The following GLYATL1 variants were observed in gnomAD, a reference collection of about 807,000 sequenced individuals.
GLYATL1 encodes the protein glycine-N-acyltransferase like 1, also known as glycine N-acyltransferase-like protein 1.
GLYATL1 carries 15 observed loss-of-function variants against 20.0 expected under a neutral mutation model. That is an observed-to-expected ratio of 0.75 (90% CI 0.50 to 1.15). GLYATL1 has a LOEUF of 1.15. GLYATL1 is among the 50% of genes most tolerant of loss of function. GLYATL1 has a pLI of 0.00. For missense variants in GLYATL1, 380 were observed against 368.5 expected (o/e 1.03, Z -0.26); for synonymous variants, 151 against 131.5 (o/e 1.15, Z -1.01).
At chr11:58,912,298 A>G (rs1035843944), downstream of GLYATL1, among the ~76,000 whole-genome samples, 1 of 152,222 alleles carries the variant, frequency 6.6e-6, no homozygotes, top group Non-Finnish European at 1.5e-5. Flanking sequence ...ACAAGGCATG[A>G]GTGACAAAGA....
At chr11:58,908,475 C>A in exon 2 of GLYATL1, 1 of 202,680 alleles carries the variant, frequency 4.9e-6, no homozygotes, top group South Asian at 1.0e-4. Flanking sequence ...TCATGAATTC[C>A]ATGAAGACTG....
At chr11:58,954,635 G>T in intron 4 of GLYATL1, 135 bp from the exon 5 acceptor site, 1 of 694,628 alleles carries the variant, frequency 1.4e-6, no homozygotes. Context: ...TTTTATTATC[G>T]ATGTGCCCAA....
chr11:58,939,999 G>A (rs1434510459), intron 1 of GLYATL1, among the ~76,000 whole-genome samples: 1 of 152,216 alleles, frequency 6.6e-6, no homozygotes, highest in African/African-American at 2.4e-5. Flanking sequence ...GCAACAGTTG[G>A]ATTGTTTTAG....
At chr11:58,955,008 TG>T in intron 5 of GLYATL1, 112 bp downstream of exon 5, 2 of 1,312,168 alleles carry the variant, frequency 1.5e-6, no homozygotes, top group Non-Finnish European at 2.1e-6. Flanking sequence ...ACAGAAACTC[TG>T]GGGACTGGGA....
intron 1 of GLYATL1, among the ~76,000 whole-genome samples, chr11:58,906,646 G>A (rs1035349281): frequency 6.6e-6 from 1 of 152,162 alleles, no homozygotes; most frequent in Admixed American, 6.5e-5. Context: ...TCTCCCCGGG[G>A]CAGAGATTTA....
At chr11:58,937,822 G>A (rs1338784178), upstream of GLYATL1, among the ~76,000 whole-genome samples, 3 of 152,122 alleles carry the variant, frequency 2.0e-5, no homozygotes, top group East Asian at 5.8e-4. Flanking sequence ...CATTGCTAAG[G>A]GTTAAAGAAG....
intron 4 of GLYATL1, 45 bp downstream of exon 4, chr11:58,948,010 G>GACCT: frequency 3.8e-6 from 5 of 1,333,098 alleles, no homozygotes; most frequent in South Asian, 1.2e-5. Context: ...AGGTCCACAG[G>GACCT]GCCTGAGGAA....
At chr11:58,913,410 A>C (rs1855097395), downstream of GLYATL1, among the ~76,000 whole-genome samples, 1 of 152,102 alleles carries the variant, frequency 6.6e-6, no homozygotes. Flanking sequence ...TGGGTTTTGA[A>C]ACTAAAACCC....
chr11:58,955,481 C>A, intron 6 of GLYATL1, 128 bp downstream of exon 6: 2 of 1,377,568 alleles, frequency 1.5e-6, no homozygotes, highest in Non-Finnish European at 2.0e-6. Flanking sequence ...TGTCAAAGTT[C>A]AAGATCCAAA....
downstream of GLYATL1, among the ~76,000 whole-genome samples, chr11:58,910,251 A>G (rs1855007293): frequency 6.6e-6 from 1 of 151,928 alleles, no homozygotes; most frequent in South Asian, 2.1e-4. Context: ...AGGTTTCTGG[A>G]TTTTCTTCTG....
At position 58,946,801 on chromosome 11, in the gene GLYATL1, C is replaced by A. The variant is rs552502310; in HGVS notation, c.-42-245C>A. On this transcript the variant is annotated intron_variant, in intron 2 of 6. Transcript: ENST00000532726. ...GAACTCTTAATATTCACTTTTAATT[C>A]TTTCCACAAGGGAGGAAGGGCATGG... The A allele has an allele frequency of 1.1e-5, 6 of 546,948 alleles. No homozygotes were observed. In the African/African-American group the frequency reaches 1.1e-4, roughly 10 times the overall value. The allele number at this position is 546,948 out of a possible 1,614,324, so 33.9% of individuals were successfully genotyped here. A position where few individuals can be genotyped will look rare whatever the true frequency, so the allele number is the denominator to read the frequency against.
chr11:58,906,455 T>C (rs1854888717), intron 1 of GLYATL1, among the ~76,000 whole-genome samples: 1 of 152,042 alleles, frequency 6.6e-6, no homozygotes, highest in South Asian at 2.1e-4. Context: ...ACAGGAGAGC[T>C]CCTGTTCAAA....
At position 58,947,937 on chromosome 11, in the gene GLYATL1, A is replaced by G. The variant is rs1445781155; in HGVS notation, c.158A>G (p.Gln53Arg). The G allele has an allele frequency of 7.4e-6, 12 of 1,613,796 alleles. No individual in the cohort carries two copies. Among genetic ancestry groups the G allele is most frequent in the Non-Finnish European group, 1.0e-5 (12 of 1,179,728 alleles). Residue 53 changes from glutamine to arginine, a missense_variant, in exon 4 of 7, where the codon CAG (glutamine) becomes CGG (arginine). Gln to Arg is a conservative substitution (Grantham distance 43). Transcript: ENST00000532726. The stretch of plus-strand genomic sequence containing the variant: ...CTGGTGGATTCCTGGCCTGAATATC[A>G]GATGGTTATTATCCGGCCTCAAAAG... The part of the protein sequence containing the change: ...EVLVDSWPEY[Q>R]MVIIRPQKQE...
At chr11:58,934,342 C>T (rs1028352715) in intron 1 of GLYATL1, 6 of 151,190 alleles carry the variant, frequency 4.0e-5, no homozygotes, top group African/African-American at 7.3e-5. Context: ...ACAGCTGGGC[C>T]CTGAGTTTGT....
intron 4 of GLYATL1, among the ~76,000 whole-genome samples, chr11:58,953,375 C>G (rs560900789): frequency 7.1e-6 from 1 of 141,440 alleles, no homozygotes; most frequent in South Asian, 2.3e-4. Context: ...TTTCTGTTCT[C>G]ATAGCTTACA....
rs751422123 is a variant in GLYATL1, at chr11:58,919,005, T to C, written n.264+13344T>C. On this transcript the variant is annotated intron_variant and non_coding_transcript_variant, in intron 1 of 2. Coordinates refer to the GLYATL1 transcript ENST00000534674. ...ACGGTTCCTGTAACTTGAACAGCAGTTGGAGTGGACAAGATTACAGGATGG... is the reference window on the plus strand; with the variant it reads ...ACGGTTCCTGTAACTTGAACAGCAGCTGGAGTGGACAAGATTACAGGATGG... Among the ~76,000 whole-genome samples the C allele has an allele frequency of 2.0e-5, 3 of 152,214 alleles. No homozygotes were observed. In the East Asian group the frequency reaches 5.8e-4, roughly 29 times the overall value.
chr11:58,908,032 A>G (rs1460268672), exon 2 of GLYATL1: 2 of 152,742 alleles, frequency 1.3e-5, no homozygotes, highest in Non-Finnish European at 2.9e-5. Context: ...CAACAGTTTC[A>G]TTATACTCAT....
chr11:58,956,168 T>C lies in GLYATL1; in HGVS notation c.*141T>C, dbSNP rs1315154083. 1.3e-6 allele frequency: 1 copy of C among 742,338 alleles called. No individual in the cohort carries two copies. Among genetic ancestry groups the C allele is most frequent in the Non-Finnish European group, 2.2e-6 (1 of 459,982 alleles). The allele number at this position is 742,338 out of a possible 1,614,324, so 46.0% of individuals were successfully genotyped here. A position where few individuals can be genotyped will look rare whatever the true frequency, so the allele number is the denominator to read the frequency against. ...CTCTTCTCACCTGGAGCCTTGATGT[T>C]AAAAGACACAGCCATGCTCTTGAGG... is the stretch of plus-strand genomic sequence containing the variant. On this transcript the variant is annotated 3_prime_UTR_variant, in exon 7 of 7. Coordinates refer to ENST00000532726, the MANE Select transcript of GLYATL1 (RefSeq NM_001389712.2).
intron 4 of GLYATL1, among the ~76,000 whole-genome samples, chr11:58,948,170 G>C (rs1856718456): frequency 6.6e-6 from 1 of 152,168 alleles, no homozygotes; most frequent in Non-Finnish European, 1.5e-5. Context: ...AAAGGGGGTG[G>C]AGGAGGAAAG....
Sources: gnomAD v4.1 joint callset for allele counts (sites outside exome capture counted in the v4.1 genomes callset) on GRCh38, gnomAD v4.1.1 for gene constraint, MANE v1.5 for transcripts, NCBI Gene and HGNC (gene_info 2026-07-23, HGNC 2026-07-21) for gene names.